Variants in ELP4 observed in about 807,000 individuals in gnomAD.
ELP4 encodes elongator complex protein 4.
Under a neutral mutation model 48.9 loss-of-function variants are expected in ELP4, and 51 were observed. The observed-to-expected ratio is 1.04, with a 90% CI of 0.83 to 1.32. The LOEUF is 1.32. ELP4 is among the 40% of genes most tolerant of loss of function. The pLI is 0.00. For missense variants in ELP4, 519 were observed against 514.6 expected (o/e 1.01, Z -0.08); for synonymous variants, 210 against 189.2 (o/e 1.11, Z -0.90).
chr11:31,747,297 C>T (rs1411839949), intron 9 of ELP4, among the ~76,000 whole-genome samples: 4 of 151,976 alleles, frequency 2.6e-5, no homozygotes, highest in Non-Finnish European at 5.9e-5. Flanking sequence ...AGTGGAGGCT[C>T]TTAGGAAGGG....
chr11:31,740,325 G>C (rs1565134771), intron 9 of ELP4, among the ~76,000 whole-genome samples: 1 of 152,204 alleles, frequency 6.6e-6, no homozygotes, highest in East Asian at 1.9e-4. Context: ...AAGGAATTTT[G>C]ATATATTTAA....
chr11:31,546,581 CAG>C (rs1254940527), intron 3 of ELP4, among the ~76,000 whole-genome samples: 4 of 152,210 alleles, frequency 2.6e-5, no homozygotes, highest in African/African-American at 9.6e-5. Flanking sequence ...ATCAACGAGA[CAG>C]AAAGTCAACA....
At chr11:31,516,788 G>A (rs1020150436) in intron 1 of ELP4, among the ~76,000 whole-genome samples, 3 of 151,978 alleles carry the variant, frequency 2.0e-5, no homozygotes, top group African/African-American at 4.8e-5. Context: ...CACTGCACCC[G>A]GACCTGATCC....
At chr11:31,515,504 A>G (rs1328834226) in intron 1 of ELP4, among the ~76,000 whole-genome samples, 2 of 152,100 alleles carry the variant, frequency 1.3e-5, no homozygotes, top group African/African-American at 4.8e-5. Context: ...AAGAATTAAA[A>G]AAGAAAAAGA....
intron 2 of ELP4, among the ~76,000 whole-genome samples, chr11:31,522,126 T>C (rs984427371): frequency 3.9e-5 from 6 of 152,186 alleles, no homozygotes; most frequent in African/African-American, 1.2e-4. Flanking sequence ...GAATTATTCC[T>C]AACATTACAT....
chr11:31,599,518 CACACAA>C (rs1217616073), intron 4 of ELP4: 3 of 13,632 alleles, frequency 2.2e-4, no homozygotes, highest in African/African-American at 3.2e-4. Flanking sequence ...CACACACACA[CACACAA>C]AAAAAAAAAA....
intron 3 of ELP4, among the ~76,000 whole-genome samples, chr11:31,579,368 A>C (rs934529669): frequency 6.6e-6 from 1 of 152,206 alleles, no homozygotes; most frequent in Non-Finnish European, 1.5e-5. Flanking sequence ...ATTGTGGAAG[A>C]CAGTGTGGCG....
chr11:31,590,242 C>CTA (rs139065545), intron 3 of ELP4, among the ~76,000 whole-genome samples: 52 of 151,444 alleles, frequency 3.4e-4, no homozygotes, highest in East Asian at 9.7e-4. Flanking sequence ...AGAGCAAGTA[C>CTA]TATATATATA....
At chr11:31,592,280 C>T (rs1462496330) in intron 3 of ELP4, among the ~76,000 whole-genome samples, 1 of 152,038 alleles carries the variant, frequency 6.6e-6, no homozygotes, top group Non-Finnish European at 1.5e-5. Context: ...AGTGGTGGCT[C>T]ACGCCTGTAA....
At chr11:31,736,703 G>A (rs1947326494) in intron 9 of ELP4, among the ~76,000 whole-genome samples, 1 of 152,224 alleles carries the variant, frequency 6.6e-6, no homozygotes, top group Admixed American at 6.5e-5. Flanking sequence ...AGACATTTAT[G>A]CAGCCAGAAG....
chr11:31,743,766 A>G (rs1592273461), intron 9 of ELP4, among the ~76,000 whole-genome samples: 2 of 152,306 alleles, frequency 1.3e-5, no homozygotes, highest in East Asian at 3.9e-4. Context: ...AGGGAAATTT[A>G]TAGCACTAAA....
chr11:31,541,960 A>G (rs1225473949), intron 3 of ELP4, among the ~76,000 whole-genome samples: 1 of 152,180 alleles, frequency 6.6e-6, no homozygotes, highest in Non-Finnish European at 1.5e-5. Flanking sequence ...AACTACAGTT[A>G]AAAGCAAAAC....
chr11:31,658,853 A>G (rs1286074170), intron 9 of ELP4, among the ~76,000 whole-genome samples: 1 of 152,022 alleles, frequency 6.6e-6, no homozygotes, highest in African/African-American at 2.4e-5. Flanking sequence ...TGTCATCATA[A>G]CTGGTTCTAA....
At chr11:31,723,081 G>A (rs1383250518) in intron 9 of ELP4, among the ~76,000 whole-genome samples, 1 of 152,182 alleles carries the variant, frequency 6.6e-6, no homozygotes, top group Admixed American at 6.5e-5. Flanking sequence ...AAAGTCCTGA[G>A]GCACTGCCAG....
intron 7 of ELP4, among the ~76,000 whole-genome samples, chr11:31,643,465 T>G (rs1408722011): frequency 6.6e-6 from 1 of 151,868 alleles, no homozygotes; most frequent in Non-Finnish European, 1.5e-5. Context: ...ATATTTTGTG[T>G]TCGTACAAAT....
chr11:31,533,252 T>A (rs1956430135), intron 2 of ELP4, among the ~76,000 whole-genome samples: 1 of 152,168 alleles, frequency 6.6e-6, no homozygotes, highest in Non-Finnish European at 1.5e-5. Context: ...TATGTCCATG[T>A]AGCTGTTGTC....
chr11:31,595,878 C>G (rs1415604505), intron 4 of ELP4, among the ~76,000 whole-genome samples: 2 of 152,176 alleles, frequency 1.3e-5, no homozygotes, highest in Non-Finnish European at 2.9e-5. Context: ...ATAATCTAAT[C>G]CAAGCCTACC....
chr11:31,751,915 C>T (rs527769381), intron 9 of ELP4, among the ~76,000 whole-genome samples: 1 of 152,156 alleles, frequency 6.6e-6, no homozygotes, highest in South Asian at 2.1e-4. Context: ...AAAATCTTCC[C>T]CACAAAAAAG....
rs1019311903 is a variant in ELP4 at position 31,766,159 on chromosome 11, A to T, written c.1144-17234A>T. Among the ~76,000 whole-genome samples the T allele has an allele frequency of 6.6e-5, 10 of 152,088 alleles. No individual in the cohort carries two copies. In the East Asian group the frequency reaches 7.7e-4, roughly 12 times the overall value. ...TAAATACAGATTAAACCCAGTTCTTATGCATGTGAACAGTTTGCTTTGCAT... is the reference window on the plus strand; with the variant it reads ...TAAATACAGATTAAACCCAGTTCTTTTGCATGTGAACAGTTTGCTTTGCAT... On this transcript the variant is annotated intron_variant, in intron 9 of 9. Transcript: ENST00000640961.
Sources: allele counts gnomAD v4.1 joint callset (sites outside exome capture counted in the v4.1 genomes callset), GRCh38; gene constraint gnomAD v4.1.1; transcripts MANE v1.5; gene names NCBI Gene and HGNC (gene_info 2026-07-23, HGNC 2026-07-21).